Variants in RANBP2 observed in about 807,000 individuals in gnomAD.
The protein encoded by RANBP2 is RAN binding protein 2.
In RANBP2, 57 loss-of-function variants were observed where a neutral mutation model predicts 303.6. The observed-to-expected ratio is 0.19, with a 90% CI of 0.15 to 0.23. The LOEUF (loss-of-function observed/expected upper bound fraction) is 0.23. Ranked by LOEUF, RANBP2 falls within the 10% of genes least tolerant of loss-of-function variation. RANBP2 has a pLI of 1.00. For synonymous variants in RANBP2, 1,167 were observed against 1,301.5 expected, an observed-to-expected ratio of 0.90 and a Z score of 2.23; for missense variants, 3,138 against 3,780.8, an observed-to-expected ratio of 0.83 and a Z score of 4.46.
the RANBP2 span, among the ~76,000 whole-genome samples, chr2:109,001,350 G>A: frequency 2.0e-5 from 3 of 152,202 alleles, no homozygotes; most frequent in Non-Finnish European, 2.9e-5. Flanking sequence ...TCCAGGACAC[G>A]TGGGGTCACA....
chr2:109,264,916 A>G, the RANBP2 span, among the ~76,000 whole-genome samples: 3 of 152,336 alleles, frequency 2.0e-5, no homozygotes, highest in East Asian at 5.8e-4. Flanking sequence ...CCTTCCTAGC[A>G]TAATTCTTCT....
chr2:108,748,260 T>G (rs899896688), intron 8 of RANBP2, among the ~76,000 whole-genome samples: 12 of 150,786 alleles, frequency 8.0e-5, no homozygotes, highest in Non-Finnish European at 1.0e-4. Flanking sequence ...CGGGCTGGAG[T>G]GCAGTGGCGT....
the RANBP2 span, among the ~76,000 whole-genome samples, chr2:108,962,814 G>A: frequency 3.9e-5 from 6 of 151,924 alleles, no homozygotes; most frequent in South Asian, 1.0e-3. Context: ...TTCTGTCCAA[G>A]AGACTGAGCA....
At chr2:109,233,325 A>G in the RANBP2 span, among the ~76,000 whole-genome samples, 1 of 152,126 alleles carries the variant, frequency 6.6e-6, no homozygotes, top group Non-Finnish European at 1.5e-5. Context: ...GGGACCTGGA[A>G]AGGGGAGAGA....
At chr2:109,607,171 C>T in the RANBP2 span, among the ~76,000 whole-genome samples, 1 of 152,102 alleles carries the variant, frequency 6.6e-6, no homozygotes, top group Admixed American at 6.5e-5. Flanking sequence ...TAGTATAAAT[C>T]ATAATCACAC....
the RANBP2 span, among the ~76,000 whole-genome samples, chr2:109,156,504 G>A: frequency 3.3e-5 from 5 of 151,746 alleles, no homozygotes; most frequent in Non-Finnish European, 7.4e-5. Flanking sequence ...GGAGTGCAGT[G>A]GTGCAATCTT....
the RANBP2 span, among the ~76,000 whole-genome samples, chr2:109,165,310 T>C: frequency 6.6e-6 from 1 of 152,196 alleles, no homozygotes; most frequent in East Asian, 1.9e-4. Flanking sequence ...GGCCACTGTT[T>C]GCGTTTTCTC....
chr2:109,621,482 C>A, the RANBP2 span, among the ~76,000 whole-genome samples: 9 of 152,028 alleles, frequency 5.9e-5, no homozygotes, highest in South Asian at 1.5e-3. Context: ...GATCAAAGAA[C>A]CTGGGAGCCC....
chr2:109,595,248 C>T, the RANBP2 span, among the ~76,000 whole-genome samples: 4 of 152,200 alleles, frequency 2.6e-5, no homozygotes, highest in Admixed American at 1.3e-4. Context: ...TTGGAAGATG[C>T]TCCTATTTAA....
At chr2:109,778,379 G>A in the RANBP2 span, among the ~76,000 whole-genome samples, 1 of 147,910 alleles carries the variant, frequency 6.8e-6, no homozygotes, top group Non-Finnish European at 1.5e-5. Context: ...AATGATTCAA[G>A]CTATTAAGTC....
chr2:109,763,812 C>T, the RANBP2 span, among the ~76,000 whole-genome samples: 2 of 149,532 alleles, frequency 1.3e-5, no homozygotes, highest in Admixed American at 6.9e-5. Flanking sequence ...AATTGATGGA[C>T]ATCATTTTCC....
chr2:109,615,128 C>T, the RANBP2 span: 1 of 1,549,748 alleles, frequency 6.5e-7, no homozygotes, highest in Non-Finnish European at 8.7e-7. Flanking sequence ...TGGGCAGCTC[C>T]CCGCAGCTGA....
chr2:109,631,828 G>A, the RANBP2 span, among the ~76,000 whole-genome samples: 2 of 152,014 alleles, frequency 1.3e-5, no homozygotes, highest in Admixed American at 6.6e-5. Context: ...TCTTTGTCCT[G>A]AATTCCTGGT....
chr2:109,247,318 T>C, the RANBP2 span, among the ~76,000 whole-genome samples: 7 of 152,154 alleles, frequency 4.6e-5, no homozygotes, highest in African/African-American at 1.7e-4. Flanking sequence ...GAGCCCTTTA[T>C]CCAAATCTCT....
the RANBP2 span, among the ~76,000 whole-genome samples, chr2:108,983,373 A>T: frequency 6.6e-6 from 1 of 152,240 alleles, no homozygotes; most frequent in Non-Finnish European, 1.5e-5. Flanking sequence ...TTTTGGGGCC[A>T]GAGGTAATGT....
chr2:109,510,299 C>T, the RANBP2 span, among the ~76,000 whole-genome samples: 1 of 152,114 alleles, frequency 6.6e-6, no homozygotes, highest in Non-Finnish European at 1.5e-5. Context: ...CAAACTGTGT[C>T]GGGAGCTCCC....
In RANBP2 at chr2:108,766,200, A is replaced by G; in HGVS notation, c.5661A>G (p.Glu1887=). 6.2e-7 allele frequency: 1 copy of G among 1,612,230 alleles called. No individual in the cohort carries two copies. Among genetic ancestry groups the G allele is most frequent in the Non-Finnish European group, 8.5e-7 (1 of 1,179,994 alleles). ...ATACAGAATTTAAGTCAACCAAAGAAGGATTTTCCATCCCTGTGTCTGCTG... is the reference window on the plus strand; with the variant it reads ...ATACAGAATTTAAGTCAACCAAAGAGGGATTTTCCATCCCTGTGTCTGCTG... The part of the protein sequence containing the change: ...SSNTEFKSTK[E]GFSIPVSADG... The change falls in exon 20 of 29, where the codon GAA becomes GAG. Residue 1887 remains glutamate, a synonymous_variant. Transcript: ENST00000283195.
chr2:108,723,228 A>G lies in RANBP2; in HGVS notation c.72+3550A>G, dbSNP rs566058177. Among the ~76,000 whole-genome samples, 22 of 151,264 alleles carry G rather than the reference A, an allele frequency of 1.5e-4. 1 individual carries two copies. The South Asian group carries it at 4.4e-3, about 30-fold the overall frequency. ...TACTTCATACTTCTGAGTAACACACATATATACTTTTGTTATTTTTAATTT... is the reference window on the plus strand; with the variant it reads ...TACTTCATACTTCTGAGTAACACACGTATATACTTTTGTTATTTTTAATTT... On this transcript the variant is annotated intron_variant, in intron 1 of 28. Coordinates refer to ENST00000283195, the MANE Select transcript of RANBP2 (RefSeq NM_006267.5).
At chr2:109,398,880 C>T in the RANBP2 span, 47 of 1,613,804 alleles carry the variant, frequency 2.9e-5, no homozygotes, top group Middle Eastern at 1.6e-4. Context: ...TCAGCTCCAG[C>T]GATCCCCGAG....
Sources: gnomAD v4.1 joint callset for allele counts (sites outside exome capture counted in the v4.1 genomes callset) on GRCh38, gnomAD v4.1.1 for gene constraint, MANE v1.5 for transcripts, NCBI Gene and HGNC (gene_info 2026-07-23, HGNC 2026-07-21) for gene names.